The following SEC14L5 variants were observed in gnomAD, a reference collection of about 807,000 sequenced individuals.
SEC14L5 encodes SEC14 like lipid binding 5.
In SEC14L5, 96 loss-of-function variants were observed where a neutral mutation model predicts 84.6. The observed-to-expected ratio is 1.13, with a 90% CI of 0.96 to 1.34. The LOEUF (loss-of-function observed/expected upper bound fraction) is 1.34, where lower values mean the gene tolerates loss of function less well. Ranked by LOEUF, SEC14L5 falls within the 40% of genes most tolerant of loss-of-function variation. The pLI is 0.00. For synonymous variants in SEC14L5, 546 were observed against 383.4 expected (o/e 1.42, Z -4.95); for missense variants, 1,224 against 942.5 (o/e 1.30, Z -3.91).
chr16:5,000,398 A>G (rs1955661904), intron 8 of SEC14L5, among the ~76,000 whole-genome samples: 1 of 152,232 alleles, frequency 6.6e-6, no homozygotes, highest in Admixed American at 6.5e-5. Flanking sequence ...TCTGCCCCCC[A>G]AAATGCTGGG....
intron 11 of SEC14L5, among the ~76,000 whole-genome samples, chr16:5,004,112 C>G (rs542008481): frequency 2.5e-4 from 38 of 152,336 alleles, no homozygotes; most frequent in Middle Eastern, 3.4e-3. Flanking sequence ...AAGAAACAGT[C>G]CAGGGTGGCT....
intron 2 of SEC14L5, among the ~76,000 whole-genome samples, chr16:4,981,271 T>G (rs920676413): frequency 8.7e-6 from 1 of 114,704 alleles, no homozygotes; most frequent in South Asian, 4.6e-4. Context: ...TTTTTTTTTT[T>G]TTTTTTTTTT....
chr16:4,996,132 T>A (rs1285182291), intron 6 of SEC14L5, among the ~76,000 whole-genome samples: 1 of 152,140 alleles, frequency 6.6e-6, no homozygotes, highest in African/African-American at 2.4e-5. Flanking sequence ...AGATCCAGGT[T>A]TGCCTGATGA....
intron 10 of SEC14L5, 148 bp from the exon 11 acceptor site, chr16:5,003,254 C>G: frequency 1.6e-6 from 1 of 632,532 alleles, no homozygotes; most frequent in East Asian, 2.7e-5. Flanking sequence ...TGATCCTCTT[C>G]ATCGCATGGG....
rs1403279983 is a variant in SEC14L5, at chr16:5,006,123, G to A, written c.1437+75G>A. The A allele has an allele frequency of 6.6e-6, 10 of 1,508,726 alleles. No homozygotes were observed. The East Asian group carries it at 2.3e-4, about 34-fold the overall frequency. 93.5% of individuals were successfully genotyped at this position (1,508,726 alleles called of 1,614,324 possible). A position where few individuals can be genotyped will look rare whatever the true frequency, so the allele number is the denominator to read the frequency against. On this transcript the variant is annotated intron_variant, in intron 12 of 15. Transcript: ENST00000251170. ...CCTAGCTGGGAGGCTGGGATTCCCG[G>A]AGTGGGGCTGGGAGGTGGAGGGGGG...
intron 2 of SEC14L5, among the ~76,000 whole-genome samples, chr16:4,966,414 C>T (rs925081801): frequency 6.7e-6 from 1 of 149,092 alleles, no homozygotes; most frequent in African/African-American, 2.5e-5. Context: ...GCTGGGAGTA[C>T]AAGTGCCCGC....
chr16:5,008,383 TCG>T lies in SEC14L5; in HGVS notation c.1573-37_1573-36del. ...TGTTCCCCACCCCAGCTCTACTCTC[TCG>T]GCCGTGACTCTCAGACCTCGCCTGT... On this transcript the variant is annotated intron_variant, in intron 13 of 15. Coordinates refer to ENST00000251170, the MANE Select transcript of SEC14L5 (RefSeq NM_014692.2). The T allele has an allele frequency of 8.1e-6, 12 of 1,484,968 alleles. No individual in the cohort carries two copies. The African/African-American group carries it at 1.1e-4, about 14-fold the overall frequency. 92.0% of individuals were successfully genotyped at this position (1,484,968 alleles called of 1,614,324 possible). A position where few individuals can be genotyped will look rare whatever the true frequency, so the allele number is the denominator to read the frequency against.
At chr16:4,989,601 C>A (rs563714339) in intron 4 of SEC14L5, among the ~76,000 whole-genome samples, 1 of 152,294 alleles carries the variant, frequency 6.6e-6, no homozygotes, top group Non-Finnish European at 1.5e-5. Context: ...CCCACCTTGG[C>A]CTTCCAAAGT....
chr16:4,964,501 G>A (rs552252249), intron 2 of SEC14L5, among the ~76,000 whole-genome samples: 7 of 152,046 alleles, frequency 4.6e-5, no homozygotes, highest in South Asian at 4.2e-4. Context: ...CAGGAGAATC[G>A]CTTGAACCTG....
In SEC14L5 at chr16:5,006,098, C is replaced by T. The variant is rs376446578; in HGVS notation, c.1437+50C>T. On this transcript the variant is annotated intron_variant, in intron 12 of 15. Coordinates refer to ENST00000251170, the MANE Select transcript of SEC14L5 (RefSeq NM_014692.2). The stretch of plus-strand genomic sequence containing the variant: ...GACCTGGGCTTGAGGAGGGGGCATG[C>T]CTAGCTGGGAGGCTGGGATTCCCGG... 101 of 1,595,124 alleles carry T rather than the reference C, an allele frequency of 6.3e-5. No homozygotes were observed. The African/African-American group carries it at 1.2e-3, about 19-fold the overall frequency.
intron 2 of SEC14L5, among the ~76,000 whole-genome samples, chr16:4,982,296 G>A (rs141764692): frequency 1.4e-3 from 207 of 152,250 alleles, no homozygotes; most frequent in African/African-American, 4.7e-3. Flanking sequence ...TATTTTTGGA[G>A]CCTGCCTTGA....
intron 15 of SEC14L5, among the ~76,000 whole-genome samples, chr16:5,012,750 C>G (rs369352988): frequency 2.4e-4 from 35 of 148,860 alleles, no homozygotes; most frequent in African/African-American, 7.4e-4. Flanking sequence ...ACTAAAAATA[C>G]AAAAATTAGC....
Position 5,015,230 on chromosome 16 carries a change from A to G in SEC14L5, c.*260A>G. 2 of 481,764 alleles carry G rather than the reference A, an allele frequency of 4.2e-6. No homozygotes were observed. The highest frequency in any genetic ancestry group is 3.3e-5 in the East Asian group (1 of 29,864). The allele number at this position is 481,764 out of a possible 1,614,324, so 29.8% of individuals were successfully genotyped here. Reference sequence around the variant, plus strand: ...AGACCAAGCCAAGGCCAAGGTGTCTACCATACCACACCTTTGGGACATCCG... The same window carrying G: ...AGACCAAGCCAAGGCCAAGGTGTCTGCCATACCACACCTTTGGGACATCCG... On this transcript the variant is annotated 3_prime_UTR_variant, in exon 16 of 16. Coordinates refer to ENST00000251170, the MANE Select transcript of SEC14L5 (RefSeq NM_014692.2).
At chr16:4,989,178 G>A (rs181510407) in intron 4 of SEC14L5, among the ~76,000 whole-genome samples, 4 of 152,360 alleles carry the variant, frequency 2.6e-5, no homozygotes, top group Non-Finnish European at 4.4e-5. Flanking sequence ...CCACTTTCTT[G>A]CTGAGTGACG....
intron 4 of SEC14L5, among the ~76,000 whole-genome samples, chr16:4,989,939 A>T (rs1191645491): frequency 6.6e-6 from 1 of 152,130 alleles, no homozygotes; most frequent in Non-Finnish European, 1.5e-5. Flanking sequence ...TTTGAGGAGG[A>T]CTAGGTCTGG....
intron 14 of SEC14L5, among the ~76,000 whole-genome samples, chr16:5,009,834 A>G (rs1035407818): frequency 6.6e-6 from 1 of 152,024 alleles, no homozygotes; most frequent in Non-Finnish European, 1.5e-5. Context: ...TTGTGGCTGG[A>G]TCTGGGAGGG....
At chr16:5,000,035 T>C (rs1416588962) in intron 8 of SEC14L5, among the ~76,000 whole-genome samples, 1 of 152,112 alleles carries the variant, frequency 6.6e-6, no homozygotes, top group Non-Finnish European at 1.5e-5. Context: ...CTCATGCCTG[T>C]GATCCCAACA....
chr16:5,002,537 G>A (rs550416037), intron 10 of SEC14L5, among the ~76,000 whole-genome samples: 12 of 152,210 alleles, frequency 7.9e-5, no homozygotes, highest in Admixed American at 4.6e-4. Context: ...CTAAGGACAC[G>A]TATGTTGGGG....
chr16:5,014,714 C>T, intron 15 of SEC14L5, 145 bp from the exon 16 acceptor site: 1 of 626,886 alleles, frequency 1.6e-6, no homozygotes, highest in East Asian at 2.7e-5. Context: ...CTTTTCTCTT[C>T]ATGGCGTCAC....
Sources: gnomAD v4.1 joint callset for allele counts (sites outside exome capture counted in the v4.1 genomes callset) on GRCh38, gnomAD v4.1.1 for gene constraint, MANE v1.5 for transcripts, NCBI Gene and HGNC (gene_info 2026-07-23, HGNC 2026-07-21) for gene names.